The following DAB1 variants were observed in gnomAD, a reference collection of about 807,000 sequenced individuals.
DAB1 encodes the protein DAB adaptor protein 1, also known as disabled homolog 1.
DAB1 carries 15 observed loss-of-function variants against 64.6 expected under a neutral mutation model. The ratio of observed to expected loss-of-function variants is 0.23; its 90% confidence interval spans 0.16 to 0.36. The LOEUF (loss-of-function observed/expected upper bound fraction) is 0.36, where lower values mean the gene tolerates loss of function less well. DAB1 is among the 10% of genes least tolerant of loss of function. The pLI is 1.00. For synonymous variants in DAB1, 235 were observed against 251.9 expected (o/e 0.93, Z 0.64); for missense variants, 596 against 706.7 (o/e 0.84, Z 1.78).
chr1:57,531,721 T>C (rs1644665662), intron 7 of DAB1, among the ~76,000 whole-genome samples: 1 of 152,200 alleles, frequency 6.6e-6, no homozygotes, highest in Admixed American at 6.5e-5. Flanking sequence ...TGATAGCCAA[T>C]GGTGTGCTGG....
At chr1:58,308,484 C>G (rs1338159533) in intron 4 of DAB1, among the ~76,000 whole-genome samples, 1 of 152,038 alleles carries the variant, frequency 6.6e-6, no homozygotes, top group African/African-American at 2.4e-5. Context: ...ACATTCTCCT[C>G]TTTCCTCCTT....
upstream of DAB1, among the ~76,000 whole-genome samples, chr1:57,424,446 C>T (rs1233137837): frequency 6.6e-6 from 1 of 151,854 alleles, no homozygotes; most frequent in African/African-American, 2.4e-5. Flanking sequence ...GAGCCGAGAG[C>T]GAGGGGTCCC....
At chr1:57,081,713 C>A (rs1452142390) in intron 4 of DAB1, among the ~76,000 whole-genome samples, 7 of 152,146 alleles carry the variant, frequency 4.6e-5, no homozygotes, top group Admixed American at 3.9e-4. Context: ...AGAGAACTGA[C>A]CTGCTCAGGT....
intron 4 of DAB1, among the ~76,000 whole-genome samples, chr1:58,159,875 TAG>T (rs1459191805): frequency 6.6e-6 from 1 of 152,182 alleles, no homozygotes; most frequent in Non-Finnish European, 1.5e-5. Flanking sequence ...CTGGTGAAGT[TAG>T]AGTTAAGGAG....
chr1:58,438,987 G>A (rs936519055), intron 3 of DAB1, among the ~76,000 whole-genome samples: 3 of 152,118 alleles, frequency 2.0e-5, no homozygotes, highest in Non-Finnish European at 2.9e-5. Context: ...AGGGTGGCAT[G>A]AGGTGGGACT....
chr1:57,057,654 C>T (rs1349091991), intron 9 of DAB1, among the ~76,000 whole-genome samples: 1 of 148,366 alleles, frequency 6.7e-6, no homozygotes, highest in East Asian at 2.0e-4. Flanking sequence ...GTTGCCCAGG[C>T]TGGAGTGCAG....
At chr1:57,788,043 G>A (rs886913128) in intron 6 of DAB1, among the ~76,000 whole-genome samples, 1 of 151,800 alleles carries the variant, frequency 6.6e-6, no homozygotes, top group Non-Finnish European at 1.5e-5. Context: ...GGAGCAAGTG[G>A]AACTCTCAAA....
chr1:57,053,684 A>ATG (rs1649434151), intron 9 of DAB1, among the ~76,000 whole-genome samples: 1 of 91,250 alleles, frequency 1.1e-5, no homozygotes, highest in South Asian at 3.6e-4. Flanking sequence ...ATATATATAT[A>ATG]TATATTTTTT....
intron 2 of DAB1, among the ~76,000 whole-genome samples, chr1:57,268,872 G>C (rs1276295272): frequency 6.6e-6 from 1 of 152,136 alleles, no homozygotes; most frequent in Admixed American, 6.6e-5. Flanking sequence ...CCTTTACAAT[G>C]GTGTTGGAGA....
chr1:57,021,517 C>A (rs1646620727), intron 11 of DAB1, among the ~76,000 whole-genome samples: 1 of 152,138 alleles, frequency 6.6e-6, no homozygotes, highest in Admixed American at 6.5e-5. Flanking sequence ...AGGGGAGTTC[C>A]CCTGAACACA....
intron 2 of DAB1, among the ~76,000 whole-genome samples, chr1:57,208,956 A>T (rs978241970): frequency 6.6e-6 from 1 of 152,216 alleles, no homozygotes; most frequent in African/African-American, 2.4e-5. Flanking sequence ...AGCTTCAGAG[A>T]TAAATGCACT....
chr1:57,026,060 G>A lies in DAB1; in HGVS notation c.724-17C>T, dbSNP rs377089299. The stretch of plus-strand genomic sequence containing the variant: ...GGTCACAGCCTGTAAAGACAAAAAG[G>A]TAATCATGTGACTACAAAGAAAGCT... On this transcript the variant is annotated splice_polypyrimidine_tract_variant and intron_variant, in intron 9 of 14. Transcript: ENST00000371236. 1.1e-5 allele frequency: 17 copies of A among 1,596,580 alleles called. No homozygotes were observed. In the African/African-American group the frequency reaches 2.2e-4, roughly 20 times the overall value.
chr1:57,533,384 G>C (rs1558468160), intron 7 of DAB1, among the ~76,000 whole-genome samples: 1 of 150,824 alleles, frequency 6.6e-6, no homozygotes, highest in South Asian at 2.1e-4. Flanking sequence ...AAGCATTAAA[G>C]TTTAATGATT....
upstream of DAB1, among the ~76,000 whole-genome samples, chr1:57,428,877 TGTTTG>T (rs1685390888): frequency 1.4e-5 from 2 of 147,218 alleles, no homozygotes; most frequent in African/African-American, 5.0e-5. Context: ...CCAAAAAAAC[TGTTTG>T]TTTGTTTTGA....
At chr1:58,540,715 T>TAA (rs146864305) in intron 1 of DAB1, among the ~76,000 whole-genome samples, 1 of 147,990 alleles carries the variant, frequency 6.8e-6, no homozygotes, top group South Asian at 2.2e-4. Context: ...AATACAATAA[T>TAA]AAAAAAAGGC....
intron 7 of DAB1, among the ~76,000 whole-genome samples, chr1:57,638,731 T>C (rs1185114943): frequency 2.6e-5 from 4 of 152,000 alleles, no homozygotes; most frequent in African/African-American, 9.7e-5. Context: ...GTTCACCAAA[T>C]GGCAAAGGCA....
chr1:58,403,357 A>C (rs1569732698), intron 3 of DAB1, among the ~76,000 whole-genome samples: 1 of 152,214 alleles, frequency 6.6e-6, no homozygotes, highest in East Asian at 1.9e-4. Flanking sequence ...AATTAAGACA[A>C]TAAAAAAGAA....
At chr1:57,377,399 A>T (rs1409334021) in intron 1 of DAB1, among the ~76,000 whole-genome samples, 4 of 152,208 alleles carry the variant, frequency 2.6e-5, no homozygotes, top group Non-Finnish European at 5.9e-5. Flanking sequence ...AAAAATGAAG[A>T]TACCTGAGCA....
intron 6 of DAB1, among the ~76,000 whole-genome samples, chr1:57,699,748 AC>A (rs1482021526): frequency 6.6e-6 from 1 of 152,000 alleles, no homozygotes; most frequent in African/African-American, 2.4e-5. Flanking sequence ...CCCTGTCTCT[AC>A]TAAAAATACA....
Sources: gnomAD v4.1 joint callset for allele counts (sites outside exome capture counted in the v4.1 genomes callset) on GRCh38, gnomAD v4.1.1 for gene constraint, MANE v1.5 for transcripts, NCBI Gene and HGNC (gene_info 2026-07-23, HGNC 2026-07-21) for gene names.